The following CSMD1 variants were observed in gnomAD, a reference collection of about 807,000 sequenced individuals.
CSMD1 encodes the protein CUB and sushi domain-containing protein 1.
CSMD1 carries 213 observed loss-of-function variants against 417.5 expected under a neutral mutation model. That is an observed-to-expected ratio of 0.51 (90% confidence interval 0.46 to 0.57). The LOEUF is 0.57. CSMD1 is among the 20% of genes least tolerant of loss of function. The pLI is 0.00. For missense variants in CSMD1, 6,923 were observed against 4,529.7 expected (o/e 1.53, Z -15.17); for synonymous variants, 2,862 against 1,736.8 (o/e 1.65, Z -16.11).
chr8:4,032,385 T>G (rs1452328398), intron 3 of CSMD1, among the ~76,000 whole-genome samples: 1 of 152,204 alleles, frequency 6.6e-6, no homozygotes, highest in Non-Finnish European at 1.5e-5. Context: ...ATGTCTGGAT[T>G]ATATTTTTCT....
At chr8:3,574,532 C>T (rs7828513) in intron 10 of CSMD1, among the ~76,000 whole-genome samples, 55,058 of 152,068 alleles carry the variant, frequency 0.36, 10,440 homozygotes, top group Non-Finnish European at 0.42. Context: ...CAGGCTTGAG[C>T]GACTGAGCCC....
At chr8:4,329,530 T>C (rs1025367829) in intron 3 of CSMD1, among the ~76,000 whole-genome samples, 1 of 152,130 alleles carries the variant, frequency 6.6e-6, no homozygotes, top group African/African-American at 2.4e-5. Context: ...TCAAGTGATT[T>C]GTCTTCCTTG....
chr8:4,337,094 T>C (rs1585259010), intron 3 of CSMD1, among the ~76,000 whole-genome samples: 1 of 152,136 alleles, frequency 6.6e-6, no homozygotes, highest in Non-Finnish European at 1.5e-5. Flanking sequence ...GTTGCCAACG[T>C]TGCGGCCACG....
At chr8:3,722,125 T>C (rs1053145302) in intron 6 of CSMD1, among the ~76,000 whole-genome samples, 1 of 152,020 alleles carries the variant, frequency 6.6e-6, no homozygotes. Context: ...GGTGGATCAC[T>C]TGAGGTCAGG....
chr8:3,683,856 A>C (rs1461528780), intron 7 of CSMD1, among the ~76,000 whole-genome samples: 3 of 152,108 alleles, frequency 2.0e-5, no homozygotes, highest in African/African-American at 7.2e-5. Context: ...ATATTCATGA[A>C]TGTTAAGCTC....
chr8:4,460,519 A>G (rs1311533038), intron 2 of CSMD1, among the ~76,000 whole-genome samples: 1 of 151,708 alleles, frequency 6.6e-6, no homozygotes, highest in Non-Finnish European at 1.5e-5. Flanking sequence ...AACGTAAGCA[A>G]ATTCAAAGAA....
intron 49 of CSMD1, among the ~76,000 whole-genome samples, chr8:3,072,228 C>T (rs2128998908): frequency 6.6e-6 from 1 of 152,294 alleles, no homozygotes; most frequent in African/African-American, 2.4e-5. Flanking sequence ...TGTTTACAAA[C>T]TTTTACATGG....
At chr8:3,927,573 G>C (rs1315171673) in intron 5 of CSMD1, among the ~76,000 whole-genome samples, 1 of 149,614 alleles carries the variant, frequency 6.7e-6, no homozygotes, top group African/African-American at 2.4e-5. Flanking sequence ...GCTGAGGCAG[G>C]AGAATCGCTT....
intron 6 of CSMD1, among the ~76,000 whole-genome samples, chr8:3,722,247 G>C (rs548226986): frequency 1.2e-4 from 19 of 152,258 alleles, no homozygotes; most frequent in Non-Finnish European, 1.5e-5. Context: ...GGCAGAGATT[G>C]CAGTGAGTCG....
chr8:4,451,017 T>TG (rs969449755), intron 2 of CSMD1, among the ~76,000 whole-genome samples: 4 of 100,574 alleles, frequency 4.0e-5, no homozygotes, highest in African/African-American at 2.1e-4. Context: ...TTGACCAACG[T>TG]GGGGAAAAAA....
chr8:4,391,390 A>G (rs1019321743), intron 3 of CSMD1, among the ~76,000 whole-genome samples: 1 of 152,152 alleles, frequency 6.6e-6, no homozygotes, highest in African/African-American at 2.4e-5. Context: ...AAAGTGATGT[A>G]AGACTTTGAA....
intron 5 of CSMD1, among the ~76,000 whole-genome samples, chr8:3,783,507 G>C (rs114944190): frequency 0.017 from 2,596 of 152,306 alleles, 77 homozygotes; most frequent in African/African-American, 0.058. Flanking sequence ...GAGGGGAAAG[G>C]ACCTGAATCC....
intron 2 of CSMD1, among the ~76,000 whole-genome samples, chr8:4,533,631 G>C (rs763818644): frequency 2.1e-4 from 32 of 151,922 alleles, no homozygotes; most frequent in African/African-American, 7.5e-4. Context: ...TAATGATGAA[G>C]ATCTGGCAGA....
At chr8:4,645,347 C>A (rs149459229) in intron 1 of CSMD1, among the ~76,000 whole-genome samples, 1 of 144,908 alleles carries the variant, frequency 6.9e-6, no homozygotes, top group African/African-American at 2.6e-5. Flanking sequence ...AATGTTTTCA[C>A]CTACTGAGAA....
At chr8:4,401,002 A>G (rs1484630784) in intron 3 of CSMD1, among the ~76,000 whole-genome samples, 1 of 152,152 alleles carries the variant, frequency 6.6e-6, no homozygotes, top group Non-Finnish European at 1.5e-5. Context: ...TCTTAACATG[A>G]AACTGAGTCC....
At chr8:3,518,482 C>T (rs1397725531) in intron 10 of CSMD1, among the ~76,000 whole-genome samples, 1 of 152,132 alleles carries the variant, frequency 6.6e-6, no homozygotes, top group African/African-American at 2.4e-5. Context: ...TGTAAAATCT[C>T]ATTGGTAGAC....
intron 3 of CSMD1, among the ~76,000 whole-genome samples, chr8:4,144,675 C>T (rs1350684792): frequency 6.6e-6 from 1 of 150,968 alleles, no homozygotes. Context: ...CTCTATGTCC[C>T]GACTGTGCGG....
At chr8:3,084,154 C>T (rs1381252056) in intron 49 of CSMD1, among the ~76,000 whole-genome samples, 6 of 152,090 alleles carry the variant, frequency 3.9e-5, no homozygotes, top group Admixed American at 2.0e-4. Context: ...CAGCTGAAAA[C>T]CCACAAAGTC....
At chr8:2,966,210 C>G (rs976706395) in intron 58 of CSMD1, among the ~76,000 whole-genome samples, 1 of 152,078 alleles carries the variant, frequency 6.6e-6, no homozygotes, top group Admixed American at 6.6e-5. Context: ...CTTGACTAGC[C>G]CCTAATTAGG....
Sources: gnomAD v4.1 joint callset for allele counts (sites outside exome capture counted in the v4.1 genomes callset) on GRCh38, gnomAD v4.1.1 for gene constraint, MANE v1.5 for transcripts, NCBI Gene and HGNC (gene_info 2026-07-23, HGNC 2026-07-21) for gene names.